LOC128125817: variants seen among roughly 807,000 people sequenced by gnomAD.
chr1:41,591,834 T>A, the LOC128125817 span, among the ~76,000 whole-genome samples: 2 of 152,106 alleles, frequency 1.3e-5, 1 homozygote, highest in African/African-American at 4.8e-5. Context: ...GCATCCCTCT[T>A]ATTGCCATTT....
the LOC128125817 span, among the ~76,000 whole-genome samples, chr1:41,618,192 C>T: frequency 2.6e-5 from 4 of 152,200 alleles, no homozygotes; most frequent in African/African-American, 4.8e-5. Context: ...TGTTCCGCTG[C>T]GGGATGGTGC....
At chr1:41,596,537 G>A in the LOC128125817 span, among the ~76,000 whole-genome samples, 4 of 152,176 alleles carry the variant, frequency 2.6e-5, no homozygotes, top group African/African-American at 4.8e-5. Flanking sequence ...CCCCTGGCCT[G>A]GGCAGGAACT....
At chr1:41,621,861 C>T in the LOC128125817 span, among the ~76,000 whole-genome samples, 7 of 152,170 alleles carry the variant, frequency 4.6e-5, no homozygotes, top group African/African-American at 1.7e-4. Context: ...GGAAAGACTT[C>T]CTGACCTCCC....
the LOC128125817 span, among the ~76,000 whole-genome samples, chr1:41,611,555 C>T: frequency 3.3e-5 from 5 of 152,256 alleles, no homozygotes; most frequent in African/African-American, 1.2e-4. Flanking sequence ...CCCAGGGGCA[C>T]ACATTCAACA....
chr1:41,590,550 C>CAAG, the LOC128125817 span, among the ~76,000 whole-genome samples: 2 of 152,184 alleles, frequency 1.3e-5, no homozygotes, highest in African/African-American at 4.8e-5. Context: ...AACAGTGGGA[C>CAAG]AAGAAGACAA....
chr1:41,600,276 T>C, the LOC128125817 span, among the ~76,000 whole-genome samples: 1 of 152,212 alleles, frequency 6.6e-6, no homozygotes. Context: ...TCTATGTTCA[T>C]AGCGGCATGA....
the LOC128125817 span, among the ~76,000 whole-genome samples, chr1:41,628,042 A>G: frequency 1.3e-5 from 2 of 152,204 alleles, no homozygotes; most frequent in Non-Finnish European, 2.9e-5. Flanking sequence ...CCTGTACTGA[A>G]GCCTGAACAT....
At chr1:41,591,728 C>T in the LOC128125817 span, among the ~76,000 whole-genome samples, 12 of 151,954 alleles carry the variant, frequency 7.9e-5, no homozygotes, top group Admixed American at 3.3e-4. Flanking sequence ...CATGGCAGAG[C>T]GGCTCTGTCT....
chr1:41,595,072 G>C, the LOC128125817 span, among the ~76,000 whole-genome samples: 1 of 152,230 alleles, frequency 6.6e-6, no homozygotes, highest in Non-Finnish European at 1.5e-5. Flanking sequence ...AATAGAATTT[G>C]TGGGAAAGGG....
chr1:41,609,339 G>T, the LOC128125817 span, among the ~76,000 whole-genome samples: 1 of 152,258 alleles, frequency 6.6e-6, no homozygotes, highest in South Asian at 2.1e-4. Flanking sequence ...GTTCCACTGA[G>T]GGTAGGAACA....
At chr1:41,593,314 GT>G in the LOC128125817 span, among the ~76,000 whole-genome samples, 1 of 151,498 alleles carries the variant, frequency 6.6e-6, no homozygotes, top group Non-Finnish European at 1.5e-5. Context: ...TCTGCGACTT[GT>G]TTTTTTTCTT....
the LOC128125817 span, among the ~76,000 whole-genome samples, chr1:41,618,597 G>A: frequency 1.6e-4 from 24 of 152,160 alleles, no homozygotes; most frequent in African/African-American, 4.6e-4. Context: ...TTTCCCTTTC[G>A]GTGGTGTCTG....
chr1:41,623,674 C>A, the LOC128125817 span, among the ~76,000 whole-genome samples: 1 of 152,330 alleles, frequency 6.6e-6, no homozygotes, highest in East Asian at 1.9e-4. Flanking sequence ...GGCTTTGCCT[C>A]AAATGCCTAA....
At chr1:41,587,991 C>T in the LOC128125817 span, among the ~76,000 whole-genome samples, 1 of 152,206 alleles carries the variant, frequency 6.6e-6, no homozygotes, top group African/African-American at 2.4e-5. Context: ...CAACCTATGT[C>T]CTAACCACAC....
the LOC128125817 span, among the ~76,000 whole-genome samples, chr1:41,612,287 T>G: frequency 0.43 from 65,553 of 152,036 alleles, 14,739 homozygotes; most frequent in Non-Finnish European, 0.51. Context: ...CTGGCCGGTG[T>G]TTACACCCCT....
At chr1:41,615,447 T>C in the LOC128125817 span, among the ~76,000 whole-genome samples, 5 of 152,244 alleles carry the variant, frequency 3.3e-5, no homozygotes, top group Admixed American at 3.3e-4. Flanking sequence ...GGCACTTAAG[T>C]GGGGTCTAAA....
At chr1:41,594,693 A>G in the LOC128125817 span, among the ~76,000 whole-genome samples, 1 of 152,164 alleles carries the variant, frequency 6.6e-6, no homozygotes, top group African/African-American at 2.4e-5. Context: ...TCTCTTTATC[A>G]TTAGTCTTAG....
chr1:41,598,617 C>T, the LOC128125817 span, among the ~76,000 whole-genome samples: 9 of 152,314 alleles, frequency 5.9e-5, no homozygotes, highest in East Asian at 1.7e-3. Context: ...CATTTCTCCA[C>T]TCAGTCTGCA....
At chr1:41,623,374 G>C in the LOC128125817 span, among the ~76,000 whole-genome samples, 1 of 152,230 alleles carries the variant, frequency 6.6e-6, no homozygotes, top group Non-Finnish European at 1.5e-5. Flanking sequence ...TGGTGGGAGA[G>C]AGAGCACTAA....
Sources: gnomAD v4.1 joint callset for allele counts (sites outside exome capture counted in the v4.1 genomes callset) on GRCh38, gnomAD v4.1.1 for gene constraint, MANE v1.5 for transcripts.